The following SLC29A3 variants were observed in gnomAD, a reference collection of about 807,000 sequenced individuals.
SLC29A3 encodes the protein solute carrier family 29 member 3, also known as equilibrative nucleoside transporter 3.
A neutral mutation model predicts 25.4 loss-of-function variants in SLC29A3; 18 were observed. That is an observed-to-expected ratio of 0.71 (90% CI 0.49 to 1.05). The LOEUF (loss-of-function observed/expected upper bound fraction) is 1.05. Among genes scored for constraint, SLC29A3 ranks in the 50% least tolerant of loss-of-function variants. SLC29A3 has a pLI of 0.00. For synonymous variants in SLC29A3, 258 were observed against 267.1 expected (o/e 0.97, Z 0.33); for missense variants, 586 against 609.0 (o/e 0.96, Z 0.40).
chr10:71,341,948 T>A (rs1247926814), intron 2 of SLC29A3, among the ~76,000 whole-genome samples: 1 of 152,094 alleles, frequency 6.6e-6, no homozygotes, highest in African/African-American at 2.4e-5. Flanking sequence ...CCAGGTAGGG[T>A]TCCCCAACAT....
chr10:71,319,413 C>A, intron 1 of SLC29A3, 103 bp downstream of exon 1: 1 of 530,200 alleles, frequency 1.9e-6, no homozygotes. Context: ...CTGCGGGCTG[C>A]CAGGGGAGCC....
intron 3 of SLC29A3, among the ~76,000 whole-genome samples, chr10:71,371,101 A>G (rs947425355): frequency 1.3e-5 from 2 of 152,146 alleles, no homozygotes; most frequent in South Asian, 2.1e-4. Flanking sequence ...TCTTCTAGCT[A>G]TTTTGAAATG....
Position 71,319,285 on chromosome 10 carries a change from AGCG to A in SLC29A3, c.-18_-16del, listed in dbSNP as rs1418333284. 1 of 631,074 alleles carries A rather than the reference AGCG, an allele frequency of 1.6e-6. No individual in the cohort carries two copies. Among genetic ancestry groups the A allele is most frequent in the Admixed American group, 2.5e-5 (1 of 40,708 alleles). 39.1% of individuals were successfully genotyped at this position (631,074 alleles called of 1,614,324 possible). A position where few individuals can be genotyped will look rare whatever the true frequency, so the allele number is the denominator to read the frequency against. On this transcript the variant is annotated 5_prime_UTR_variant, in exon 1 of 6. Transcript: ENST00000373189. Reference sequence around the variant, plus strand: ...GTGGTCCTGGCCGTGCGCCGGAGGCAGCGGCGGCGTGGCGCAGCGGCGACAGTA... The same window carrying A: ...GTGGTCCTGGCCGTGCGCCGGAGGCAGCGGCGTGGCGCAGCGGCGACAGTA...
At chr10:71,335,734 C>T (rs1184489325) in intron 2 of SLC29A3, among the ~76,000 whole-genome samples, 1 of 152,092 alleles carries the variant, frequency 6.6e-6, no homozygotes, top group African/African-American at 2.4e-5. Context: ...CTCTTGAAGG[C>T]CTTTGATTTG....
Position 71,324,205 on chromosome 10 carries a change from C to T in SLC29A3, c.300+1151C>T, listed in dbSNP as rs543237036. 6.6e-5 allele frequency among the ~76,000 whole-genome samples: 10 copies of T among 152,294 alleles called. No individual in the cohort carries two copies. In the East Asian group the frequency reaches 1.4e-3, roughly 21 times the overall value. On this transcript the variant is annotated intron_variant, in intron 2 of 5. Transcript: ENST00000373189. ...ACATTTCTAAGAGGAGACGTCAAGG[C>T]GAGGCCTCTGCTTGCTGAAAGCAGG...
At chr10:71,334,159 A>T (rs1292686524) in intron 2 of SLC29A3, among the ~76,000 whole-genome samples, 2 of 152,214 alleles carry the variant, frequency 1.3e-5, no homozygotes, top group African/African-American at 4.8e-5. Context: ...TGAAGATATG[A>T]GACCGTAGAT....
intron 3 of SLC29A3, among the ~76,000 whole-genome samples, chr10:71,346,343 C>T (rs1459466958): frequency 2.0e-5 from 3 of 152,108 alleles, no homozygotes; most frequent in African/African-American, 7.2e-5. Flanking sequence ...CTGCTGTGAC[C>T]CTGGTTTGAG....
intron 4 of SLC29A3, among the ~76,000 whole-genome samples, chr10:71,351,995 CTT>C (rs1255214408): frequency 6.6e-6 from 1 of 152,192 alleles, no homozygotes; most frequent in African/African-American, 2.4e-5. Context: ...AGGTGTAGCT[CTT>C]CTCTTCTCCC....
intron 1 of SLC29A3, 113 bp downstream of exon 1, chr10:71,319,423 CG>C: frequency 1.9e-6 from 1 of 519,286 alleles, no homozygotes; most frequent in Non-Finnish European, 3.4e-6. Flanking sequence ...CCAGGGGAGC[CG>C]CAGGACCCTA....
At chr10:71,329,482 A>C (rs1192045003) in intron 2 of SLC29A3, among the ~76,000 whole-genome samples, 1 of 151,608 alleles carries the variant, frequency 6.6e-6, no homozygotes, top group Admixed American at 6.6e-5. Flanking sequence ...AAGAAAAGAA[A>C]ATACCCCACA....
intron 2 of SLC29A3, among the ~76,000 whole-genome samples, chr10:71,335,642 G>A (rs1331767497): frequency 6.6e-6 from 1 of 152,146 alleles, no homozygotes; most frequent in African/African-American, 2.4e-5. Context: ...TGAGGGTGAA[G>A]GAGAAACCAA....
chr10:71,331,511 CA>C (rs1846116938), intron 2 of SLC29A3, among the ~76,000 whole-genome samples: 1 of 152,144 alleles, frequency 6.6e-6, no homozygotes, highest in Non-Finnish European at 1.5e-5. Flanking sequence ...GAAGAGGGAG[CA>C]TAGCTCAGCG....
chr10:71,366,038 G>GA (rs1847167991), downstream of SLC29A3: 1 of 152,300 alleles, frequency 6.6e-6, no homozygotes, highest in South Asian at 2.1e-4. Context: ...ACCCAGGCTG[G>GA]AGTGCAGTGG....
intron 2 of SLC29A3, among the ~76,000 whole-genome samples, chr10:71,343,622 CTT>C (rs1446263510): frequency 6.6e-6 from 1 of 152,116 alleles, no homozygotes; most frequent in Non-Finnish European, 1.5e-5. Flanking sequence ...TAAGAGGTCA[CTT>C]TGTGGCAAGA....
intron 1 of SLC29A3, 91 bp downstream of exon 1, chr10:71,319,401 G>T: frequency 5.5e-6 from 3 of 540,990 alleles, no homozygotes; most frequent in Non-Finnish European, 9.7e-6. Flanking sequence ...CCCTGGGGGC[G>T]GCTGCGGGCT....
intron 2 of SLC29A3, among the ~76,000 whole-genome samples, chr10:71,327,460 C>A (rs922483187): frequency 2.0e-5 from 3 of 152,102 alleles, no homozygotes; most frequent in Non-Finnish European, 4.4e-5. Flanking sequence ...ATTGCCTGAG[C>A]CCGACTCTGG....
At chr10:71,340,522 CA>C (rs1846375353) in intron 2 of SLC29A3, among the ~76,000 whole-genome samples, 1 of 152,188 alleles carries the variant, frequency 6.6e-6, no homozygotes, top group African/African-American at 2.4e-5. Context: ...TAGAACAAAT[CA>C]AAACAGACTT....
At position 71,374,407 on chromosome 10, in the gene SLC29A3, C is replaced by A. The variant is rs34797744; in HGVS notation, c.*95-1288C>A. Reference sequence around the variant, plus strand: ...GGTCAATGGCTGGCCACCTTTTTACCTCTTAAGAGGTTTCAAGATAATGAT... The same window carrying A: ...GGTCAATGGCTGGCCACCTTTTTACATCTTAAGAGGTTTCAAGATAATGAT... On this transcript the variant is annotated intron_variant and NMD_transcript_variant, in intron 3 of 4. Transcript: ENST00000642772. 1.5e-3 allele frequency among the ~76,000 whole-genome samples: 225 copies of A among 152,170 alleles called. 1 individual carries two copies. The highest frequency in any genetic ancestry group is 2.8e-3 in the Non-Finnish European group (192 of 68,004).
intron 2 of SLC29A3, among the ~76,000 whole-genome samples, chr10:71,333,292 T>G (rs1380632592): frequency 6.6e-6 from 1 of 152,238 alleles, no homozygotes; most frequent in Non-Finnish European, 1.5e-5. Context: ...TTTAATGGGT[T>G]AATGAGTACT....
Sources: gnomAD v4.1 joint callset for allele counts (sites outside exome capture counted in the v4.1 genomes callset) on GRCh38, gnomAD v4.1.1 for gene constraint, MANE v1.5 for transcripts, NCBI Gene and HGNC (gene_info 2026-07-23, HGNC 2026-07-21) for gene names.